ELANE: variants seen among roughly 807,000 people sequenced by gnomAD.
ELANE encodes the protein neutrophil elastase.
Under a neutral mutation model 20.6 loss-of-function variants are expected in ELANE, and 12 were observed. The ratio of observed to expected loss-of-function variants is 0.58; its 90% confidence interval spans 0.37 to 0.94. The LOEUF is 0.94. ELANE is among the 40% of genes least tolerant of loss of function. The probability of loss-of-function intolerance (pLI) is 0.01; values close to 1 mark genes in which losing one functional copy is unlikely to be tolerated. For synonymous variants in ELANE, 203 were observed against 177.4 expected, an observed-to-expected ratio of 1.14 and a Z score of -1.15; for missense variants, 388 against 395.2, an observed-to-expected ratio of 0.98 and a Z score of 0.15.
chr19:855,417 G>A lies in ELANE; in HGVS notation c.367-147G>A. On this transcript the variant is annotated intron_variant, in intron 3 of 4. Transcript: ENST00000263621. The surrounding 1 kb of genome is among the most constrained non-coding windows in gnomAD (Gnocchi z 6.2). ...AGATGGGGAAACCGAGGCTTGCCTT[G>A]GGGAGCAGAGTGTGGGGTGGGTATC... 1.1e-6 allele frequency: 1 copy of A among 900,918 alleles called. No homozygotes were observed. The highest frequency in any genetic ancestry group is 1.8e-6 in the Non-Finnish European group (1 of 570,052). 55.8% of individuals were successfully genotyped at this position (900,918 alleles called of 1,614,324 possible).
chr19:854,266 A>AC (rs2035639366), intron 3 of ELANE, among the ~76,000 whole-genome samples: 1 of 151,200 alleles, frequency 6.6e-6, no homozygotes, highest in South Asian at 2.1e-4. Context: ...ACATAGTGAA[A>AC]CCCCGTCTCT....
At position 855,603 on chromosome 19, in the gene ELANE, GC is replaced by G; in HGVS notation, c.409del (p.Gln137SerfsTer38). ...SATINANVQV[A>X]QLPAQGRRLG... Reference sequence around the variant, plus strand: ...CACCATCAACGCCAACGTGCAGGTGGCCCAGCTGCCGGCTCAGGGACGCCGC... The same window carrying G: ...CACCATCAACGCCAACGTGCAGGTGGCCAGCTGCCGGCTCAGGGACGCCGC... On this transcript the variant is annotated frameshift_variant, in exon 4 of 5. Transcript: ENST00000263621. LOFTEE classifies it high-confidence loss of function. This position sits in a 1 kb window ranked among gnomAD's most constrained non-coding sequence, Gnocchi z 6.2. The G allele has an allele frequency of 6.2e-7, 1 of 1,601,466 alleles. No individual in the cohort carries two copies.
chr19:853,227 G>GC, intron 2 of ELANE, 35 bp from the exon 3 acceptor site: 1 of 1,557,736 alleles, frequency 6.4e-7, no homozygotes, highest in South Asian at 1.2e-5. Flanking sequence ...GACCCCCGGG[G>GC]CCGCCCCTGA....
At position 855,354 on chromosome 19, in the gene ELANE, T is replaced by A. The variant is rs1237672637; in HGVS notation, c.367-210T>A. On this transcript the variant is annotated intron_variant, in intron 3 of 4. Transcript: ENST00000263621. The surrounding 1 kb of genome is among the most constrained non-coding windows in gnomAD (Gnocchi z 6.2). Reference sequence around the variant, plus strand: ...ACTCAAGCCACATCCAGGGACAACCTCCAACGCCCTGAGCCTTGGTGACGG... The same window carrying A: ...ACTCAAGCCACATCCAGGGACAACCACCAACGCCCTGAGCCTTGGTGACGG... Among the ~76,000 whole-genome samples, 1 of 152,028 alleles carries A rather than the reference T, an allele frequency of 6.6e-6. No homozygotes were observed. The highest frequency in any genetic ancestry group is 1.5e-5 in the Non-Finnish European group (1 of 67,982).
rs969526905 is a variant in ELANE at position 855,678 on chromosome 19, A to C, written c.481A>C (p.Arg161=). 6.2e-7 allele frequency: 1 copy of C among 1,608,992 alleles called. No homozygotes were observed. The highest frequency in any genetic ancestry group is 8.5e-7 in the Non-Finnish European group (1 of 1,179,920). Reference sequence around the variant, plus strand: ...GGCCATGGGCTGGGGCCTTCTGGGCAGGAACCGTGGGATCGCCAGCGTCCT... The same window carrying C: ...GGCCATGGGCTGGGGCCTTCTGGGCCGGAACCGTGGGATCGCCAGCGTCCT... The part of the protein sequence containing the change: ...CLAMGWGLLG[R]NRGIASVLQE... The change falls in exon 4 of 5, where the codon AGG becomes CGG. Residue 161 remains arginine, a synonymous_variant. Transcript: ENST00000263621. This position sits in a 1 kb window ranked among gnomAD's most constrained non-coding sequence, Gnocchi z 6.2.
Position 855,685 on chromosome 19 carries a change from G to T in ELANE, c.488G>T (p.Arg163Leu). Residue 163 changes from arginine to leucine, a missense_variant, in exon 4 of 5, where the codon CGT becomes CTT. This residue lies in a region of ELANE where 321 missense variants were observed against 309.8 expected (regional missense o/e 1.04). Coordinates refer to ENST00000263621, the MANE Select transcript of ELANE (RefSeq NM_001972.4). This position sits in a 1 kb window ranked among gnomAD's most constrained non-coding sequence, Gnocchi z 6.2. Reference protein sequence around the residue: ...AMGWGLLGRNRGIASVLQELN... With the variant: ...AMGWGLLGRNLGIASVLQELN... ...GGCTGGGGCCTTCTGGGCAGGAACC[G>T]TGGGATCGCCAGCGTCCTGCAGGAG... 1 of 1,609,390 alleles carries T rather than the reference G, an allele frequency of 6.2e-7. No individual in the cohort carries two copies. Among genetic ancestry groups the T allele is most frequent in the Non-Finnish European group, 8.5e-7 (1 of 1,179,922 alleles).
At chr19:854,091 T>A (rs1481454442) in intron 3 of ELANE, among the ~76,000 whole-genome samples, 1 of 152,192 alleles carries the variant, frequency 6.6e-6, no homozygotes, top group East Asian at 1.9e-4. Flanking sequence ...GCCTCTGTCT[T>A]TGGGAAAAGG....
intron 1 of ELANE, among the ~76,000 whole-genome samples, chr19:852,602 G>GGGGGGGGGA (rs2035611164): frequency 7.1e-6 from 1 of 140,524 alleles, no homozygotes; most frequent in African/African-American, 2.6e-5. Flanking sequence ...GGAGGGGGGG[G>GGGGGGGGGA]GGGTCGCAGG....
intron 3 of ELANE, among the ~76,000 whole-genome samples, chr19:854,808 A>G (rs1353400025): frequency 2.7e-5 from 4 of 146,698 alleles, no homozygotes; most frequent in Non-Finnish European, 3.0e-5. Context: ...TAAATATAAA[A>G]TATATAAAAA....
At chr19:853,096 G>T in intron 2 of ELANE, 64 bp downstream of exon 2, 1 of 1,516,822 alleles carries the variant, frequency 6.6e-7, no homozygotes. Flanking sequence ...AGGTGGGTGG[G>T]GGGAGGCCGG....
intron 2 of ELANE, 57 bp from the exon 3 acceptor site, chr19:853,205 C>T: frequency 6.5e-7 from 1 of 1,530,520 alleles, no homozygotes; most frequent in African/African-American, 1.4e-5. Flanking sequence ...CGACAAGGCG[C>T]GGCTGAGCCC....
In ELANE at chr19:856,170, G is replaced by T; in HGVS notation, c.*6G>T. ...CGGCCAGCAGGACCCACTGAGAAGG[G>T]CTGCCCGGGTCACCTCAGCTGCCCA... On this transcript the variant is annotated 3_prime_UTR_variant, in exon 5 of 5. Transcript: ENST00000263621. The T allele has an allele frequency of 6.2e-7, 1 of 1,612,748 alleles. No homozygotes were observed.
intron 3 of ELANE, among the ~76,000 whole-genome samples, chr19:854,323 C>T (rs1771536508): frequency 6.6e-6 from 1 of 151,810 alleles, no homozygotes; most frequent in Non-Finnish European, 1.5e-5. Context: ...TTGTGGGTGC[C>T]TGTAATGCCA....
rs2035674407 is a variant in ELANE, at chr19:855,996, C to G, written c.636C>G (p.Ile212Met). 1 of 1,613,350 alleles carries G rather than the reference C, an allele frequency of 6.2e-7. No homozygotes were observed. The part of the protein sequence containing the change: ...SGSPLVCNGL[I>M]HGIASFVRGG... ...GCCCCTTGGTCTGCAACGGGCTAAT[C>G]CACGGAATTGCCTCCTTCGTCCGGG... Residue 212 changes from isoleucine to methionine, a missense_variant, in exon 5 of 5, where the codon ATC (isoleucine) becomes ATG (methionine). By Grantham distance (10) the Ile-to-Met change is conservative. Around this residue, in one of 3 missense-constraint regions of ELANE, gnomAD observed 321 missense variants for 309.8 expected, o/e 1.04. Coordinates refer to ENST00000263621, the MANE Select transcript of ELANE (RefSeq NM_001972.4). The surrounding 1 kb of genome is among the most constrained non-coding windows in gnomAD (Gnocchi z 6.2).
rs762222988 is a variant in ELANE at position 856,088 on chromosome 19, A to G, written c.728A>G (p.Asp243Gly). Residue 243 changes from aspartate (D) to glycine (G), a missense_variant, in exon 5 of 5, where the codon GAC becomes GGC. This residue lies in a region of ELANE where 321 missense variants were observed against 309.8 expected (regional missense o/e 1.04). Transcript: ENST00000263621. Reference protein sequence around the residue: ...APVAQFVNWIDSIIQRSEDNP... With the variant: ...APVAQFVNWIGSIIQRSEDNP... ...GTGGCACAGTTTGTAAACTGGATCG[A>G]CTCTATCATCCAACGCTCCGAGGAC... 1 of 1,612,954 alleles carries G rather than the reference A, an allele frequency of 6.2e-7. No homozygotes were observed. Among genetic ancestry groups the G allele is most frequent in the East Asian group, 2.2e-5 (1 of 44,840 alleles).
At chr19:854,101 G>A (rs2035636492) in intron 3 of ELANE, among the ~76,000 whole-genome samples, 3 of 152,304 alleles carry the variant, frequency 2.0e-5, no homozygotes, top group Admixed American at 1.3e-4. Flanking sequence ...TTGGGAAAAG[G>A]GGCAAAAGTC....
chr19:853,215 C>A lies in ELANE; in HGVS notation c.225-47C>A, dbSNP rs949525993. ...GGGGACGACAAGGCGCGGCTGAGCC[C>A]CGACCCCCGGGGCCGCCCCTGAGCC... On this transcript the variant is annotated intron_variant, in intron 2 of 4. Transcript: ENST00000263621. 3.9e-6 allele frequency: 6 copies of A among 1,547,100 alleles called. No homozygotes were observed. In the African/African-American group the frequency reaches 5.6e-5, roughly 14 times the overall value.
At position 856,168 on chromosome 19, in the gene ELANE, G is replaced by A; in HGVS notation, c.*4G>A. 2 of 1,612,766 alleles carry A rather than the reference G, an allele frequency of 1.2e-6. No individual in the cohort carries two copies. Among genetic ancestry groups the A allele is most frequent in the Non-Finnish European group, 1.7e-6 (2 of 1,180,014 alleles). On this transcript the variant is annotated 3_prime_UTR_variant, in exon 5 of 5. Transcript: ENST00000263621. Reference sequence around the variant, plus strand: ...CCCGGCCAGCAGGACCCACTGAGAAGGGCTGCCCGGGTCACCTCAGCTGCC... The same window carrying A: ...CCCGGCCAGCAGGACCCACTGAGAAAGGCTGCCCGGGTCACCTCAGCTGCC...
rs1028279939 is a variant in ELANE, at chr19:854,172, C to T, written c.366+769C>T. On this transcript the variant is annotated intron_variant, in intron 3 of 4. Coordinates refer to ENST00000263621, the MANE Select transcript of ELANE (RefSeq NM_001972.4). ...TGGTTATTTCCTGGGCGCCGGGCCC[C>T]GTGGCTCAGGCCTGTCATCCCAGCA... is the stretch of plus-strand genomic sequence containing the variant. 1.3e-5 allele frequency among the ~76,000 whole-genome samples: 2 copies of T among 152,292 alleles called. 1 individual carries two copies. The highest frequency in any genetic ancestry group is 4.2e-4 in the South Asian group (2 of 4,816).
Sources: allele counts gnomAD v4.1 joint callset (sites outside exome capture counted in the v4.1 genomes callset), GRCh38; gene constraint gnomAD v4.1.1; regional missense constraint gnomAD v4.1.1; non-coding constraint Gnocchi (gnomAD v3.1); transcripts MANE v1.5; gene names NCBI Gene and HGNC (gene_info 2026-07-23, HGNC 2026-07-21).